The following REPS2 variants were observed in gnomAD, a reference collection of about 807,000 sequenced individuals.
REPS2 encodes the protein ralBP1-associated Eps domain-containing protein 2.
In REPS2, 23 loss-of-function variants were observed where a neutral mutation model predicts 53.6. That is an observed-to-expected ratio of 0.43 (90% CI 0.31 to 0.61). REPS2 has a LOEUF of 0.61. Ranked by LOEUF, REPS2 falls within the 20% of genes least tolerant of loss-of-function variation. The probability of loss-of-function intolerance (pLI) is 0.11; values close to 1 mark genes in which losing one functional copy is unlikely to be tolerated. For missense variants in REPS2, 446 were observed against 534.9 expected (o/e 0.83, Z 1.64); for synonymous variants, 238 against 218.6 (o/e 1.09, Z -0.78).
At chrX:17,167,206 A>T in the REPS2 span, among the ~76,000 whole-genome samples, 2 of 112,098 alleles carry the variant, frequency 1.8e-5, no homozygotes, top group African/African-American at 3.2e-5. Flanking sequence ...GGCAAGAAGG[A>T]ACTATGCCAC....
chrX:17,076,592 T>C (rs1602938507), intron 12 of REPS2, among the ~76,000 whole-genome samples: 1 of 112,449 alleles, frequency 8.9e-6, no homozygotes, highest in East Asian at 2.8e-4. Context: ...TAACTTTCTA[T>C]CTGACCTTTT....
intron 14 of REPS2, among the ~76,000 whole-genome samples, chrX:17,113,459 A>G (rs1035388575): frequency 1.8e-5 from 2 of 110,408 alleles, no homozygotes; most frequent in African/African-American, 6.6e-5. Flanking sequence ...TTCCTTTGTT[A>G]ACTTTGGCAG....
chrX:17,102,158 C>T (rs888832847), intron 13 of REPS2, among the ~76,000 whole-genome samples: 4 of 110,634 alleles, frequency 3.6e-5, no homozygotes, highest in Non-Finnish European at 5.7e-5. Flanking sequence ...TCATGGCTCA[C>T]GGAAGCCTCA....
At chrX:17,123,035 A>G (rs1046271042) in intron 14 of REPS2, among the ~76,000 whole-genome samples, 4 of 112,287 alleles carry the variant, frequency 3.6e-5, no homozygotes, top group Non-Finnish European at 5.6e-5. Context: ...TGCCAGGCCT[A>G]TATATGTCAG....
At chrX:17,122,634 A>G (rs912829423) in intron 14 of REPS2, among the ~76,000 whole-genome samples, 9 of 112,205 alleles carry the variant, frequency 8.0e-5, no homozygotes, top group African/African-American at 2.6e-4. Context: ...AAGTGTTTGT[A>G]CTGATTTACA....
intron 1 of REPS2, among the ~76,000 whole-genome samples, chrX:16,955,102 C>T (rs1053641371): frequency 5.4e-5 from 6 of 111,169 alleles, no homozygotes; most frequent in Non-Finnish European, 9.4e-5. Context: ...TGTGAGCCAC[C>T]GCGCCTGGCC....
intron 3 of REPS2, among the ~76,000 whole-genome samples, chrX:17,023,995 A>G (rs768647730): frequency 9.0e-6 from 1 of 111,135 alleles, no homozygotes; most frequent in African/African-American, 3.3e-5. Flanking sequence ...TGTTGATAGA[A>G]AGCATTGTTT....
chrX:16,994,456 A>C (rs1480029923), intron 1 of REPS2, among the ~76,000 whole-genome samples: 1 of 111,070 alleles, frequency 9.0e-6, no homozygotes, highest in Admixed American at 9.6e-5. Context: ...CGTAACATTT[A>C]TAATACGCCA....
rs943687726 is a variant in REPS2 at position 17,011,448 on chromosome X, A to G, written c.397+5104A>G. On this transcript the variant is annotated intron_variant, in intron 2 of 17. Transcript: ENST00000357277. Reference sequence around the variant, plus strand: ...TGTGAGGACTGAGGGAAGGTTAGGCAGAACCTAGAGTAGGGTTTCTCATCA... The same window carrying G: ...TGTGAGGACTGAGGGAAGGTTAGGCGGAACCTAGAGTAGGGTTTCTCATCA... Among the ~76,000 whole-genome samples the G allele has an allele frequency of 3.6e-5, 4 of 111,720 alleles. No individual in the cohort carries two copies. In the Admixed American group the frequency reaches 3.8e-4, roughly 11 times the overall value.
intron 13 of REPS2, among the ~76,000 whole-genome samples, chrX:17,090,121 ATGATT>A (rs2062594627): frequency 8.9e-6 from 1 of 112,196 alleles, no homozygotes; most frequent in Non-Finnish European, 1.9e-5. Context: ...TATTCCCCTG[ATGATT>A]AATGATGTTG....
At chrX:16,954,670 A>T (rs1440557552) in intron 1 of REPS2, among the ~76,000 whole-genome samples, 1 of 111,189 alleles carries the variant, frequency 9.0e-6, no homozygotes, top group Non-Finnish European at 1.9e-5. Flanking sequence ...AAAGTAACCA[A>T]CTGAAGACCA....
chrX:17,087,942 A>ATAGATAGC (rs2062561563), intron 13 of REPS2, among the ~76,000 whole-genome samples: 1 of 105,126 alleles, frequency 9.5e-6, no homozygotes, highest in Non-Finnish European at 1.9e-5. Flanking sequence ...AGATAGATAG[A>ATAGATAGC]TAGATAGATA....
the REPS2 span, among the ~76,000 whole-genome samples, chrX:17,187,885 A>G: frequency 8.9e-6 from 1 of 112,877 alleles, no homozygotes; most frequent in East Asian, 2.8e-4. Flanking sequence ...GAAGCTTCAC[A>G]TCACCAGTTT....
chrX:17,064,862 T>A (rs1394973221), intron 9 of REPS2, among the ~76,000 whole-genome samples: 1 of 112,460 alleles, frequency 8.9e-6, no homozygotes, highest in Non-Finnish European at 1.9e-5. Flanking sequence ...ACATTTCATA[T>A]AAATGGAAGC....
intron 5 of REPS2, among the ~76,000 whole-genome samples, chrX:17,042,859 G>A (rs955112281): frequency 1.8e-5 from 2 of 111,414 alleles, no homozygotes; most frequent in Middle Eastern, 4.7e-3. Context: ...TCAGTGGTAC[G>A]ATCATGGCTC....
chrX:17,157,096 A>G (rs1242686740), downstream of REPS2, among the ~76,000 whole-genome samples: 2 of 111,434 alleles, frequency 1.8e-5, no homozygotes, highest in Non-Finnish European at 3.8e-5. Context: ...GAGAGATGAG[A>G]GCTTTTAAAT....
intron 14 of REPS2, among the ~76,000 whole-genome samples, chrX:17,130,516 A>T (rs2148134628): frequency 9.0e-6 from 1 of 111,634 alleles, no homozygotes; most frequent in Non-Finnish European, 1.9e-5. Context: ...TTGCCGACCC[A>T]TGAGACTGGG....
rs376614258 is a variant in REPS2, at chrX:16,965,827, A to T, written c.273+18693A>T. 2.7e-5 allele frequency among the ~76,000 whole-genome samples: 3 copies of T among 112,832 alleles called. No homozygotes were observed. In the East Asian group the frequency reaches 8.4e-4, roughly 32 times the overall value. Reference sequence around the variant, plus strand: ...CACTCCAGCCTGGGCACCATTGAGCACTGAGTGAACGAGACTCCGTCTGCA... The same window carrying T: ...CACTCCAGCCTGGGCACCATTGAGCTCTGAGTGAACGAGACTCCGTCTGCA... On this transcript the variant is annotated intron_variant, in intron 1 of 17. Transcript: ENST00000357277.
intron 13 of REPS2, among the ~76,000 whole-genome samples, chrX:17,082,662 A>G (rs2062473416): frequency 8.9e-6 from 1 of 112,692 alleles, no homozygotes; most frequent in African/African-American, 3.2e-5. Context: ...ACAGGCACGT[A>G]TACTACATGG....
Sources: allele counts gnomAD v4.1 joint callset (sites outside exome capture counted in the v4.1 genomes callset), GRCh38; gene constraint gnomAD v4.1.1; transcripts MANE v1.5; gene names NCBI Gene and HGNC (gene_info 2026-07-23, HGNC 2026-07-21).